The following ABHD12 variants were observed in gnomAD, a reference collection of about 807,000 sequenced individuals.
The protein encoded by ABHD12 is abhydrolase domain containing 12, lysophospholipase.
A neutral mutation model predicts 58.3 loss-of-function variants in ABHD12; 43 were observed. That is an observed-to-expected ratio of 0.74 (90% CI 0.58 to 0.95). ABHD12 has a LOEUF of 0.95. ABHD12 is among the 40% of genes least tolerant of loss of function. ABHD12 has a pLI of 0.00. For missense variants in ABHD12, 539 were observed against 537.2 expected, an observed-to-expected ratio of 1.00 and a Z score of -0.03; for synonymous variants, 219 against 211.2, an observed-to-expected ratio of 1.04 and a Z score of -0.32.
chr20:25,322,384 T>A lies in ABHD12; in HGVS notation c.422+941A>T, dbSNP rs867878462. On this transcript the variant is annotated intron_variant, in intron 3 of 12. Transcript: ENST00000339157. ...AAAGATATATATATATATATATATT[T>A]TTTTTTTTTTTTGAGACAAGAGTCT... Among the ~76,000 whole-genome samples, 338 of 82,020 alleles carry A rather than the reference T, an allele frequency of 4.1e-3. 12 individuals are homozygous for A. The East Asian group carries it at 0.059, about 14-fold the overall frequency. The allele number at this position is 82,020 out of a possible 152,430, so 53.8% of individuals were successfully genotyped here. A position where few individuals can be genotyped will look rare whatever the true frequency, so the allele number is the denominator to read the frequency against.
At chr20:25,336,737 A>T (rs1362613879) in intron 2 of ABHD12, among the ~76,000 whole-genome samples, 5 of 152,134 alleles carry the variant, frequency 3.3e-5, no homozygotes, top group Admixed American at 1.3e-4. Context: ...CCAAAGGGGG[A>T]GACAGAGAAC....
At chr20:25,308,386 T>TG (rs1371582674) in intron 8 of ABHD12, 71 bp downstream of exon 8, 8 of 1,568,288 alleles carry the variant, frequency 5.1e-6, no homozygotes, top group Non-Finnish European at 6.9e-6. Context: ...GCTGAGCACT[T>TG]GCAGCAGGGC....
Position 25,300,547 on chromosome 20 carries a change from A to G in ABHD12, c.*298T>C, listed in dbSNP as rs1179089323. ...CCCTGTCCAGCTCAGTGCAGCATCA[A>G]GCAGGCAGTGATGGCTGCCTGCTGC... is the stretch of plus-strand genomic sequence containing the variant. On this transcript the variant is annotated 3_prime_UTR_variant, in exon 13 of 13. Transcript: ENST00000339157. 1 of 1,383,982 alleles carries G rather than the reference A, an allele frequency of 7.2e-7. No homozygotes were observed. Among genetic ancestry groups the G allele is most frequent in the Non-Finnish European group, 9.4e-7 (1 of 1,068,262 alleles). 85.7% of individuals were successfully genotyped at this position (1,383,982 alleles called of 1,614,324 possible).
intron 12 of ABHD12, among the ~76,000 whole-genome samples, chr20:25,301,282 C>T (rs1422878765): frequency 6.6e-6 from 1 of 152,226 alleles, no homozygotes; most frequent in Non-Finnish European, 1.5e-5. Flanking sequence ...GCCTCTGGAA[C>T]TTCCAAAGGC....
intron 1 of ABHD12, among the ~76,000 whole-genome samples, chr20:25,355,060 A>G (rs2089649486): frequency 1.3e-5 from 2 of 152,220 alleles, no homozygotes; most frequent in Admixed American, 1.3e-4. Context: ...CAGGAAAAGT[A>G]AAGGTACAAT....
intron 5 of ABHD12, among the ~76,000 whole-genome samples, chr20:25,315,462 G>A (rs2088943265): frequency 6.6e-6 from 1 of 151,882 alleles, no homozygotes; most frequent in South Asian, 2.1e-4. Flanking sequence ...CTACAGACTA[G>A]CTGACCTCTT....
chr20:25,336,169 T>G (rs754329202), intron 2 of ABHD12, among the ~76,000 whole-genome samples: 2 of 152,064 alleles, frequency 1.3e-5, no homozygotes, highest in Non-Finnish European at 2.9e-5. Context: ...AGACTGTGCA[T>G]ACAAGTATTG....
At chr20:25,326,977 TGC>T (rs1261174997) in intron 2 of ABHD12, among the ~76,000 whole-genome samples, 24 of 152,356 alleles carry the variant, frequency 1.6e-4, no homozygotes, top group African/African-American at 5.8e-4. Flanking sequence ...ACAATAGTAA[TGC>T]CTTTGCCATG....
In ABHD12 at chr20:25,309,667, G is replaced by A; in HGVS notation, c.620-92C>T. 1.9e-6 allele frequency: 3 copies of A among 1,578,936 alleles called. No homozygotes were observed. In the South Asian group the frequency reaches 3.4e-5, roughly 18 times the overall value. The stretch of plus-strand genomic sequence containing the variant: ...CCCCAAGGGGGCCCAGGGCCAGGAG[G>A]AGACAGGGAGGGGCCCGCTTGGCCC... On this transcript the variant is annotated intron_variant, in intron 6 of 12. Coordinates refer to ENST00000339157, the MANE Select transcript of ABHD12 (RefSeq NM_001042472.3).
At chr20:25,356,787 G>A (rs529497844) in intron 1 of ABHD12, among the ~76,000 whole-genome samples, 2 of 152,308 alleles carry the variant, frequency 1.3e-5, no homozygotes, top group East Asian at 3.9e-4. Flanking sequence ...GCATATGAAT[G>A]AGGCAGGAAG....
intron 1 of ABHD12, among the ~76,000 whole-genome samples, chr20:25,362,664 CTTG>C (rs1477180059): frequency 2.7e-5 from 4 of 150,408 alleles, no homozygotes; most frequent in East Asian, 2.0e-4. Context: ...AGAATTTTTA[CTTG>C]TTTTTTTTTT....
chr20:25,295,130 TCTGG>T, intron 12 of ABHD12: 1 of 1,299,256 alleles, frequency 7.7e-7, no homozygotes, highest in East Asian at 2.3e-5. Context: ...GATTCATAAA[TCTGG>T]CATTTTTGTT....
intron 2 of ABHD12, among the ~76,000 whole-genome samples, chr20:25,336,986 G>A (rs917045392): frequency 2.0e-5 from 3 of 152,240 alleles, no homozygotes; most frequent in African/African-American, 4.8e-5. Flanking sequence ...ACAGGGCTGG[G>A]TGCAATGGCT....
intron 4 of ABHD12, among the ~76,000 whole-genome samples, chr20:25,317,487 T>A (rs2088984389): frequency 6.6e-6 from 1 of 152,170 alleles, no homozygotes; most frequent in South Asian, 2.1e-4. Context: ...GCTCCGCACG[T>A]CTCAGCCGAC....
At chr20:25,299,928 A>T (rs1219868486), downstream of ABHD12, among the ~76,000 whole-genome samples, 1 of 152,134 alleles carries the variant, frequency 6.6e-6, no homozygotes, top group East Asian at 1.9e-4. Flanking sequence ...GAGAACCGCT[A>T]TAGGTAGCTC....
At chr20:25,296,564 T>G (rs929115100), downstream of ABHD12, 6 of 1,578,718 alleles carry the variant, frequency 3.8e-6, no homozygotes, top group Admixed American at 1.7e-5. Context: ...TTTGTTTTCT[T>G]GCTGACTTTG....
intron 1 of ABHD12, among the ~76,000 whole-genome samples, chr20:25,365,275 A>AT (rs368634797): frequency 7.0e-4 from 106 of 152,244 alleles, no homozygotes; most frequent in African/African-American, 2.5e-3. Context: ...AAGCATTTTT[A>AT]TTTGCTACTT....
chr20:25,300,170 G>A (rs193214711), downstream of ABHD12: 7 of 989,024 alleles, frequency 7.1e-6, no homozygotes, highest in Admixed American at 1.1e-4. Flanking sequence ...CTGGGGCATG[G>A]AGGAGGCAAC....
intron 1 of ABHD12, among the ~76,000 whole-genome samples, chr20:25,362,738 G>A (rs1212778244): frequency 3.3e-5 from 5 of 151,020 alleles, no homozygotes; most frequent in African/African-American, 7.3e-5. Context: ...GCAATGGCGC[G>A]ATCTTGGCTC....
Sources: allele counts gnomAD v4.1 joint callset (sites outside exome capture counted in the v4.1 genomes callset), GRCh38; gene constraint gnomAD v4.1.1; transcripts MANE v1.5; gene names NCBI Gene and HGNC (gene_info 2026-07-23, HGNC 2026-07-21).